PSEN1: variants seen among roughly 807,000 people sequenced by gnomAD.
PSEN1 encodes presenilin-1.
A neutral mutation model predicts 53.5 loss-of-function variants in PSEN1; 15 were observed. The observed-to-expected ratio is 0.28, with a 90% CI of 0.19 to 0.43. PSEN1 has a LOEUF of 0.43. PSEN1 is among the 20% of genes least tolerant of loss of function. The pLI is 1.00. For synonymous variants in PSEN1, 208 were observed against 209.8 expected, an observed-to-expected ratio of 0.99 and a Z score of 0.08; for missense variants, 387 against 571.2, an observed-to-expected ratio of 0.68 and a Z score of 3.29.
chr14:73,172,276 T>C (rs1326005379), intron 4 of PSEN1, among the ~76,000 whole-genome samples: 5 of 152,172 alleles, frequency 3.3e-5, no homozygotes, highest in African/African-American at 9.7e-5. Flanking sequence ...GTTTTAGAAT[T>C]TGAAGTTGTG....
At chr14:73,147,127 A>C (rs1897095627) in intron 1 of PSEN1, among the ~76,000 whole-genome samples, 1 of 151,318 alleles carries the variant, frequency 6.6e-6, no homozygotes. Context: ...CTGGGATTAC[A>C]GATGCGCGCC....
intron 9 of PSEN1, among the ~76,000 whole-genome samples, chr14:73,211,464 A>G (rs780340603): frequency 6.6e-6 from 1 of 152,006 alleles, no homozygotes; most frequent in Non-Finnish European, 1.5e-5. Context: ...CAACCCCACA[A>G]CCTTAGAGCT....
At chr14:73,211,971 C>T (rs1242067816) in intron 10 of PSEN1, 29 bp downstream of exon 10, 1 of 1,603,374 alleles carries the variant, frequency 6.2e-7, no homozygotes, top group South Asian at 1.1e-5. Context: ...GTTGCAAAGT[C>T]ATGGATTCCT....
intron 8 of PSEN1, among the ~76,000 whole-genome samples, chr14:73,199,236 T>C (rs753010568): frequency 6.6e-6 from 1 of 152,178 alleles, no homozygotes; most frequent in Non-Finnish European, 1.5e-5. Flanking sequence ...GATAGAGACT[T>C]GAAGAACATT....
At chr14:73,158,282 T>TCTATCTA (rs1555351588) in intron 3 of PSEN1, among the ~76,000 whole-genome samples, 36 of 141,464 alleles carry the variant, frequency 2.5e-4, no homozygotes, top group Non-Finnish European at 3.2e-4. Flanking sequence ...TAACTTTTTT[T>TCTATCTA]TCTATCTATC....
intron 5 of PSEN1, among the ~76,000 whole-genome samples, chr14:73,182,731 C>T (rs546300429): frequency 6.2e-4 from 94 of 151,534 alleles, no homozygotes; most frequent in Non-Finnish European, 1.1e-3. Flanking sequence ...CCCAGCTACT[C>T]GGGAGGCTAA....
intron 10 of PSEN1, among the ~76,000 whole-genome samples, chr14:73,212,734 C>T (rs753702410): frequency 6.6e-6 from 1 of 152,208 alleles, no homozygotes; most frequent in Non-Finnish European, 1.5e-5. Context: ...TAAGTTAACA[C>T]TTAGGGCTTC....
intron 5 of PSEN1, among the ~76,000 whole-genome samples, chr14:73,183,852 C>A (rs1458989352): frequency 6.6e-6 from 1 of 151,242 alleles, no homozygotes; most frequent in Non-Finnish European, 1.5e-5. Flanking sequence ...CAGAGGGGCT[C>A]CTCACTTCCC....
chr14:73,140,329 G>T (rs1896888731), intron 1 of PSEN1, among the ~76,000 whole-genome samples: 1 of 145,838 alleles, frequency 6.9e-6, no homozygotes, highest in Admixed American at 7.1e-5. Flanking sequence ...TTCTGCCTCA[G>T]CCTCCCGAGT....
At chr14:73,181,754 A>C (rs188553604) in intron 5 of PSEN1, among the ~76,000 whole-genome samples, 4 of 152,300 alleles carry the variant, frequency 2.6e-5, no homozygotes, top group African/African-American at 9.6e-5. Context: ...AACATGTCTG[A>C]AAGGGAAACG....
chr14:73,215,264 A>C (rs1379658954), intron 10 of PSEN1, among the ~76,000 whole-genome samples: 1 of 151,492 alleles, frequency 6.6e-6, no homozygotes, highest in Non-Finnish European at 1.5e-5. Flanking sequence ...CCCGGCCAAA[A>C]AAATTTTTTT....
intron 10 of PSEN1, 92 bp downstream of exon 10, chr14:73,212,034 A>G: frequency 1.0e-6 from 1 of 1,001,928 alleles, no homozygotes; most frequent in South Asian, 1.3e-5. Context: ...TGAGAGTGTT[A>G]CAGTCTAATT....
chr14:73,211,732 T>C, intron 9 of PSEN1, 37 bp from the exon 10 acceptor site: 1 of 1,611,486 alleles, frequency 6.2e-7, no homozygotes, highest in Non-Finnish European at 8.5e-7. Flanking sequence ...TAAATTTTTC[T>C]AAATATTAGA....
intron 3 of PSEN1, among the ~76,000 whole-genome samples, chr14:73,162,650 G>A (rs1897588180): frequency 6.6e-6 from 1 of 152,064 alleles, no homozygotes; most frequent in African/African-American, 2.4e-5. Context: ...CAGAGAATCT[G>A]TCTCAAAGAT....
intron 9 of PSEN1, 148 bp downstream of exon 9, chr14:73,206,620 A>G (rs1899465951): frequency 3.0e-6 from 2 of 677,422 alleles, no homozygotes; most frequent in African/African-American, 1.8e-5. Context: ...AAATACACAG[A>G]TAAGTATTTA....
chr14:73,219,037 G>C, intron 11 of PSEN1, 97 bp from the exon 12 acceptor site: 1 of 1,296,400 alleles, frequency 7.7e-7, no homozygotes, highest in South Asian at 1.2e-5. Flanking sequence ...AAAATATTCA[G>C]TTAACTATGT....
intron 3 of PSEN1, among the ~76,000 whole-genome samples, chr14:73,161,992 TAAAAAAAAAA>T (rs1179787685): frequency 1.5e-5 from 1 of 65,368 alleles, no homozygotes; most frequent in African/African-American, 6.1e-5. Context: ...CCGTTTCCAC[TAAAAAAAAAA>T]AAAAAAAAAA....
chr14:73,197,212 C>T (rs760656723), intron 7 of PSEN1, among the ~76,000 whole-genome samples: 9 of 152,208 alleles, frequency 5.9e-5, no homozygotes, highest in East Asian at 1.9e-4. Flanking sequence ...GGATTGCAGG[C>T]GTGAGCCACT....
At chr14:73,171,944 G>T (rs774315727) in intron 4 of PSEN1, among the ~76,000 whole-genome samples, 1 of 152,070 alleles carries the variant, frequency 6.6e-6, no homozygotes, top group Non-Finnish European at 1.5e-5. Context: ...ATAGCAACTT[G>T]TCCTTTCTCA....
Sources: gnomAD v4.1 joint callset for allele counts (sites outside exome capture counted in the v4.1 genomes callset) on GRCh38, gnomAD v4.1.1 for gene constraint, MANE v1.5 for transcripts, NCBI Gene and HGNC (gene_info 2026-07-23, HGNC 2026-07-21) for gene names.